The following EXOC4 variants were observed in gnomAD, a reference collection of about 807,000 sequenced individuals.
EXOC4 encodes SEC8-like 1.
In EXOC4, 71 loss-of-function variants were observed where a neutral mutation model predicts 107.2. The ratio of observed to expected loss-of-function variants is 0.66; its 90% confidence interval spans 0.55 to 0.81. The LOEUF is 0.81. Ranked by LOEUF, EXOC4 falls within the 30% of genes least tolerant of loss-of-function variation. The pLI, the probability that EXOC4 is intolerant of heterozygous loss-of-function variation, is 0.00. For missense variants in EXOC4, 1,108 were observed against 1,189.6 expected (o/e 0.93, Z 1.01); for synonymous variants, 456 against 441.2 (o/e 1.03, Z -0.42).
chr7:134,003,743 A>AT (rs1217559572), intron 15 of EXOC4, among the ~76,000 whole-genome samples: 2,475 of 145,050 alleles, frequency 0.017, 59 homozygotes, highest in African/African-American at 0.055. Flanking sequence ...TTGGTTTGGG[A>AT]TTTTTTTTTT....
At chr7:133,322,508 G>A (rs144336193) in intron 5 of EXOC4, among the ~76,000 whole-genome samples, 1 of 152,128 alleles carries the variant, frequency 6.6e-6, no homozygotes, top group African/African-American at 2.4e-5. Flanking sequence ...TGTCAGATTT[G>A]TGAAAGGTCA....
chr7:133,509,839 G>T (rs575331360), intron 9 of EXOC4, among the ~76,000 whole-genome samples: 80 of 152,314 alleles, frequency 5.3e-4, no homozygotes, highest in Non-Finnish European at 7.8e-4. Context: ...TTTCACAGGT[G>T]ACTTTGTAAG....
chr7:133,714,538 G>A (rs1794961028), intron 10 of EXOC4, among the ~76,000 whole-genome samples: 1 of 152,152 alleles, frequency 6.6e-6, no homozygotes, highest in Non-Finnish European at 1.5e-5. Flanking sequence ...TATAATAAAA[G>A]TAACAATTGG....
chr7:133,939,705 A>G (rs1800384254), intron 14 of EXOC4, among the ~76,000 whole-genome samples: 1 of 152,208 alleles, frequency 6.6e-6, no homozygotes, highest in South Asian at 2.1e-4. Context: ...ATACAAGTTT[A>G]TTCTCAGAAA....
intron 7 of EXOC4, among the ~76,000 whole-genome samples, chr7:133,411,793 A>T (rs1797361102): frequency 6.6e-6 from 1 of 152,128 alleles, no homozygotes; most frequent in African/African-American, 2.4e-5. Flanking sequence ...TGATCAGATT[A>T]TGGGAGATTT....
intron 7 of EXOC4, among the ~76,000 whole-genome samples, chr7:133,441,259 C>T (rs979043077): frequency 7.2e-5 from 11 of 152,000 alleles, no homozygotes; most frequent in African/African-American, 1.4e-4. Context: ...GGAAGGTACA[C>T]GGAATATGTG....
intron 3 of EXOC4, among the ~76,000 whole-genome samples, chr7:133,295,308 C>G (rs867621258): frequency 1.3e-5 from 2 of 151,992 alleles, no homozygotes; most frequent in African/African-American, 4.8e-5. Context: ...GAAAGCAATT[C>G]TAGTCTTCTC....
chr7:133,404,294 G>A lies in EXOC4; in HGVS notation c.1182+29292G>A, dbSNP rs942308949. Among the ~76,000 whole-genome samples, 4 of 151,994 alleles carry A rather than the reference G, an allele frequency of 2.6e-5. No individual in the cohort carries two copies. The East Asian group carries it at 5.8e-4, about 22-fold the overall frequency. ...TTTTTTTTGTATTTTTAGTAGAGACGGGGTTTCACTGTGTTAGCTAGGATG... is the reference window on the plus strand; with the variant it reads ...TTTTTTTTGTATTTTTAGTAGAGACAGGGTTTCACTGTGTTAGCTAGGATG... On this transcript the variant is annotated intron_variant, in intron 7 of 17. Coordinates refer to ENST00000253861, the MANE Select transcript of EXOC4 (RefSeq NM_021807.4).
At chr7:134,000,340 G>A (rs371749346) in intron 15 of EXOC4, among the ~76,000 whole-genome samples, 1 of 152,036 alleles carries the variant, frequency 6.6e-6, no homozygotes, top group South Asian at 2.1e-4. Flanking sequence ...GTATAATAAC[G>A]CTAGAATAGA....
intron 7 of EXOC4, among the ~76,000 whole-genome samples, chr7:133,426,245 G>T (rs573517146): frequency 1.3e-5 from 2 of 152,306 alleles, no homozygotes; most frequent in South Asian, 4.1e-4. Flanking sequence ...GTAACATCAT[G>T]CCCCAGTTAG....
chr7:133,292,141 T>A (rs1407069021), intron 3 of EXOC4, among the ~76,000 whole-genome samples: 1 of 152,112 alleles, frequency 6.6e-6, no homozygotes, highest in Non-Finnish European at 1.5e-5. Context: ...GGTCAGGAGA[T>A]TGACACCATC....
At chr7:133,713,208 T>C (rs996874488) in intron 10 of EXOC4, among the ~76,000 whole-genome samples, 3 of 152,236 alleles carry the variant, frequency 2.0e-5, no homozygotes, top group Admixed American at 6.5e-5. Context: ...AGTCCTCATA[T>C]GCAGTAGGTT....
intron 10 of EXOC4, among the ~76,000 whole-genome samples, chr7:133,779,405 G>A (rs1796413685): frequency 6.6e-6 from 1 of 152,106 alleles, no homozygotes; most frequent in Non-Finnish European, 1.5e-5. Context: ...GAATAGGGTG[G>A]AAAGAAGGAA....
intron 14 of EXOC4, among the ~76,000 whole-genome samples, chr7:133,962,262 A>G (rs1365897512): frequency 6.6e-6 from 1 of 152,172 alleles, no homozygotes; most frequent in Non-Finnish European, 1.5e-5. Context: ...GATACCAAAT[A>G]ACAGCTCTAA....
At chr7:133,675,251 A>C (rs1415721416) in intron 10 of EXOC4, among the ~76,000 whole-genome samples, 1 of 152,134 alleles carries the variant, frequency 6.6e-6, no homozygotes, top group African/African-American at 2.4e-5. Context: ...GCTGTCAGCT[A>C]TCCATAAATG....
At chr7:133,560,608 T>C (rs1563108340) in intron 9 of EXOC4, among the ~76,000 whole-genome samples, 2 of 152,172 alleles carry the variant, frequency 1.3e-5, no homozygotes, top group East Asian at 3.9e-4. Flanking sequence ...GGAATCATGG[T>C]GTGCCTTTCC....
chr7:133,287,299 TTATA>T (rs35758395), intron 2 of EXOC4, among the ~76,000 whole-genome samples: 1 of 150,066 alleles, frequency 6.7e-6, no homozygotes, highest in African/African-American at 2.4e-5. Flanking sequence ...AATCAGTCTA[TTATA>T]TATATATATA....
chr7:133,579,532 G>A (rs972398413), intron 9 of EXOC4, among the ~76,000 whole-genome samples: 4 of 152,086 alleles, frequency 2.6e-5, no homozygotes, highest in Admixed American at 2.6e-4. Context: ...ACAGTACAGT[G>A]TTACTAACTC....
At chr7:133,875,838 A>T (rs1798836858) in intron 11 of EXOC4, among the ~76,000 whole-genome samples, 1 of 152,192 alleles carries the variant, frequency 6.6e-6, no homozygotes. Context: ...GTCTACCATG[A>T]TACACCTGGC....
Sources: allele counts gnomAD v4.1 joint callset (sites outside exome capture counted in the v4.1 genomes callset), GRCh38; gene constraint gnomAD v4.1.1; transcripts MANE v1.5; gene names NCBI Gene and HGNC (gene_info 2026-07-23, HGNC 2026-07-21).